The following KAZN variants were observed in gnomAD, a reference collection of about 807,000 sequenced individuals.
KAZN encodes the protein kazrin.
Under a neutral mutation model 87.4 loss-of-function variants are expected in KAZN, and 40 were observed. The observed-to-expected ratio is 0.46, with a 90% CI of 0.36 to 0.60. The LOEUF (loss-of-function observed/expected upper bound fraction) is 0.60, where lower values mean the gene tolerates loss of function less well. Ranked by LOEUF, KAZN falls within the 20% of genes least tolerant of loss-of-function variation. KAZN has a pLI of 0.00. For synonymous variants in KAZN, 466 were observed against 458.3 expected (o/e 1.02, Z -0.22); for missense variants, 898 against 1,073.9 (o/e 0.84, Z 2.29).
intron 1 of KAZN, among the ~76,000 whole-genome samples, chr1:14,689,630 G>A (rs1293676928): frequency 6.6e-6 from 1 of 152,160 alleles, no homozygotes. Context: ...CCAGTGAAAA[G>A]CCAGAGTGAC....
At chr1:14,619,856 G>T (rs1000392523) in intron 1 of KAZN, among the ~76,000 whole-genome samples, 1 of 152,176 alleles carries the variant, frequency 6.6e-6, no homozygotes, top group Non-Finnish European at 1.5e-5. Context: ...ATGTTGTAGC[G>T]TGTATCAGCA....
intron 2 of KAZN, among the ~76,000 whole-genome samples, chr1:14,239,805 A>G (rs1229796350): frequency 1.3e-5 from 2 of 151,972 alleles, no homozygotes; most frequent in Non-Finnish European, 2.9e-5. Context: ...ACTGAGTGTG[A>G]TTTTGCCTGC....
At chr1:14,581,259 G>A (rs1203812949) in intron 2 of KAZN, among the ~76,000 whole-genome samples, 2 of 152,106 alleles carry the variant, frequency 1.3e-5, no homozygotes, top group Admixed American at 6.6e-5. Context: ...CCGCATTCGG[G>A]AAATGAATGT....
chr1:14,622,007 G>C (rs1678734125), intron 1 of KAZN, among the ~76,000 whole-genome samples: 1 of 152,194 alleles, frequency 6.6e-6, no homozygotes, highest in South Asian at 2.1e-4. Flanking sequence ...CTGGGACCAG[G>C]CTGTTCTAAC....
chr1:15,107,493 T>C (rs1179108036), intron 13 of KAZN, among the ~76,000 whole-genome samples: 2 of 152,114 alleles, frequency 1.3e-5, no homozygotes, highest in Admixed American at 6.5e-5. Context: ...GCAGCACCAA[T>C]CCTGGCTGTG....
intron 2 of KAZN, among the ~76,000 whole-genome samples, chr1:14,256,898 C>T (rs1354776766): frequency 2.0e-5 from 3 of 152,122 alleles, no homozygotes; most frequent in East Asian, 1.9e-4. Context: ...ATCGATGATG[C>T]GTTCTATTTC....
Position 14,167,307 on chromosome 1 carries a change from A to G in KAZN, c.92-13128A>G, listed in dbSNP as rs1384533740. On this transcript the variant is annotated intron_variant, in intron 1 of 16. Transcript: ENST00000636203. Reference sequence around the variant, plus strand: ...TGTGTCTTGTTTTATCCTAGAGAGAATCGCCTCCCCTCAACATCCCGAGCC... The same window carrying G: ...TGTGTCTTGTTTTATCCTAGAGAGAGTCGCCTCCCCTCAACATCCCGAGCC... 2.6e-5 allele frequency among the ~76,000 whole-genome samples: 4 copies of G among 152,200 alleles called. No individual in the cohort carries two copies. The East Asian group carries it at 7.7e-4, about 29-fold the overall frequency.
intron 1 of KAZN, among the ~76,000 whole-genome samples, chr1:13,930,581 G>A (rs572943609): frequency 3.5e-4 from 54 of 152,246 alleles, no homozygotes; most frequent in African/African-American, 1.2e-3. Flanking sequence ...CTAGGGCTGG[G>A]GAAACAGACA....
chr1:14,329,014 T>C (rs1020743587), intron 2 of KAZN, among the ~76,000 whole-genome samples: 2 of 152,140 alleles, frequency 1.3e-5, no homozygotes, highest in Non-Finnish European at 2.9e-5. Context: ...TCAAACTACC[T>C]TAACCAAAGA....
intron 1 of KAZN, among the ~76,000 whole-genome samples, chr1:14,692,789 C>G (rs1202727655): frequency 6.6e-6 from 1 of 152,160 alleles, no homozygotes; most frequent in Non-Finnish European, 1.5e-5. Flanking sequence ...AAAAATTAGC[C>G]AGGCGTAGTG....
At chr1:13,955,166 G>A (rs1641498222) in intron 1 of KAZN, among the ~76,000 whole-genome samples, 2 of 152,160 alleles carry the variant, frequency 1.3e-5, no homozygotes, top group African/African-American at 4.8e-5. Flanking sequence ...GTGGTGAATT[G>A]TGGTGGTTTT....
At chr1:14,770,129 C>G (rs1423753208) in intron 1 of KAZN, among the ~76,000 whole-genome samples, 3 of 151,764 alleles carry the variant, frequency 2.0e-5, no homozygotes, top group Non-Finnish European at 4.4e-5. Flanking sequence ...GGTTGGGGTC[C>G]GGATCACTCT....
At chr1:14,296,049 C>T (rs1193404021) in intron 2 of KAZN, among the ~76,000 whole-genome samples, 2 of 152,128 alleles carry the variant, frequency 1.3e-5, no homozygotes, top group Admixed American at 1.3e-4. Context: ...GTACCTACCT[C>T]ATAGGGTTGC....
chr1:14,117,935 G>A (rs939376519), intron 1 of KAZN, among the ~76,000 whole-genome samples: 5 of 152,162 alleles, frequency 3.3e-5, no homozygotes, highest in Non-Finnish European at 7.3e-5. Flanking sequence ...CATCATTGAT[G>A]AGCACCCTTT....
chr1:14,366,412 A>C (rs1659999677), intron 2 of KAZN, among the ~76,000 whole-genome samples: 1 of 152,186 alleles, frequency 6.6e-6, no homozygotes. Flanking sequence ...TGTATATAGG[A>C]AACTTGGAAG....
intron 2 of KAZN, among the ~76,000 whole-genome samples, chr1:15,009,100 C>A (rs923527310): frequency 2.0e-5 from 3 of 152,236 alleles, no homozygotes; most frequent in Non-Finnish European, 4.4e-5. Flanking sequence ...CCTTAGCTAG[C>A]CCTACCCAGG....
Position 14,907,863 on chromosome 1 carries a change from A to T in KAZN, c.227-52821A>T, listed in dbSNP as rs114673487. Among the ~76,000 whole-genome samples the T allele has an allele frequency of 3.9e-3, 586 of 152,052 alleles. 3 individuals are homozygous for T. Among genetic ancestry groups the T allele is most frequent in the African/African-American group, 0.014 (562 of 41,468 alleles). On this transcript the variant is annotated intron_variant, in intron 1 of 14. Coordinates refer to ENST00000376030, the MANE Select transcript of KAZN (RefSeq NM_201628.3). ...CCAGTGGAAGGGCACCCCTCCTCCAACCCTTCTCTCCCCAGAGCCCATGAG... is the reference window on the plus strand; with the variant it reads ...CCAGTGGAAGGGCACCCCTCCTCCATCCCTTCTCTCCCCAGAGCCCATGAG...
chr1:14,623,602 T>G (rs956065083), intron 1 of KAZN, among the ~76,000 whole-genome samples: 6 of 152,228 alleles, frequency 3.9e-5, no homozygotes, highest in Admixed American at 1.3e-4. Context: ...AGCCTGCACA[T>G]GTACCCCTGA....
chr1:14,066,383 A>G (rs1474583378), intron 1 of KAZN, among the ~76,000 whole-genome samples: 2 of 152,128 alleles, frequency 1.3e-5, no homozygotes, highest in Non-Finnish European at 2.9e-5. Context: ...TGGTTCTTTG[A>G]GAAATCTCCA....
Sources: allele counts gnomAD v4.1 joint callset (sites outside exome capture counted in the v4.1 genomes callset), GRCh38; gene constraint gnomAD v4.1.1; transcripts MANE v1.5; gene names NCBI Gene and HGNC (gene_info 2026-07-23, HGNC 2026-07-21).